The following ARHGAP21 variants were observed in gnomAD, a reference collection of about 807,000 sequenced individuals.
ARHGAP21 encodes rho GTPase-activating protein 21.
ARHGAP21 carries 38 observed loss-of-function variants against 164.6 expected under a neutral mutation model. The ratio of observed to expected loss-of-function variants is 0.23; its 90% CI spans 0.18 to 0.30. ARHGAP21 has a LOEUF of 0.30. Among genes scored for constraint, ARHGAP21 ranks in the 10% least tolerant of loss-of-function variants. ARHGAP21 has a pLI of 1.00. For missense variants in ARHGAP21, 1,822 were observed against 2,370.7 expected, an observed-to-expected ratio of 0.77 and a Z score of 4.81; for synonymous variants, 766 against 857.9, an observed-to-expected ratio of 0.89 and a Z score of 1.87.
At chr10:24,613,988 G>A (rs886430781) in intron 9 of ARHGAP21, among the ~76,000 whole-genome samples, 4 of 152,166 alleles carry the variant, frequency 2.6e-5, no homozygotes, top group South Asian at 2.1e-4. Flanking sequence ...GTGTACAAGC[G>A]TGTGTGTATG....
chr10:24,620,803 T>C lies in ARHGAP21; in HGVS notation c.1092A>G (p.Gln364=), dbSNP rs1834463062. The part of the protein sequence containing the change: ...HSDGISSSRS[Q]AVEAPSVSVN... ...CAGATACAGAGGGAGCCTCCACAGCTTGAGATCTGCTGCTTGAGATTCCAT... is the reference window on the plus strand; with the variant it reads ...CAGATACAGAGGGAGCCTCCACAGCCTGAGATCTGCTGCTTGAGATTCCAT... Residue 364 remains glutamine (Q), a synonymous_variant, in exon 9 of 26, where the codon CAA becomes CAG. Transcript: ENST00000396432. 2 of 1,614,068 alleles carry C rather than the reference T, an allele frequency of 1.2e-6. No homozygotes were observed. The highest frequency in any genetic ancestry group is 1.3e-5 in the African/African-American group (1 of 74,938).
chr10:24,622,606 A>T lies in ARHGAP21; in HGVS notation c.525+127T>A, dbSNP rs182765311. On this transcript the variant is annotated intron_variant, in intron 8 of 25. Coordinates refer to ENST00000396432, the MANE Select transcript of ARHGAP21 (RefSeq NM_020824.4). The stretch of plus-strand genomic sequence containing the variant: ...CTATCACAAACGTATTCTGCAAATT[A>T]GTAAGATTAACACGATAGAGGGATT... The T allele has an allele frequency of 3.6e-5, 35 of 981,148 alleles. No homozygotes were observed. In the Admixed American group the frequency reaches 9.0e-4, roughly 25 times the overall value. The allele number at this position is 981,148 out of a possible 1,614,324, so 60.8% of individuals were successfully genotyped here. A position where few individuals can be genotyped will look rare whatever the true frequency, so the allele number is the denominator to read the frequency against.
chr10:24,658,688 G>A (rs979589467), intron 4 of ARHGAP21, among the ~76,000 whole-genome samples: 1 of 152,068 alleles, frequency 6.6e-6, no homozygotes, highest in Non-Finnish European at 1.5e-5. Flanking sequence ...TGGGGTGGGG[G>A]GAGAGAGGAG....
chr10:24,606,514 G>A (rs889116746), intron 11 of ARHGAP21, among the ~76,000 whole-genome samples: 2 of 152,216 alleles, frequency 1.3e-5, no homozygotes, highest in South Asian at 2.1e-4. Flanking sequence ...GTGTTAGAGT[G>A]TAACAGCAGA....
intron 6 of ARHGAP21, among the ~76,000 whole-genome samples, chr10:24,631,662 TAG>T (rs1427659238): frequency 7.9e-5 from 12 of 152,232 alleles, no homozygotes; most frequent in Non-Finnish European, 1.6e-4. Context: ...TTTCAATATT[TAG>T]AGTTGGTAGA....
chr10:24,595,184 T>C lies in ARHGAP21; in HGVS notation c.3719A>G (p.Tyr1240Cys). The C allele has an allele frequency of 6.2e-7, 1 of 1,609,958 alleles. No homozygotes were observed. The highest frequency in any genetic ancestry group is 8.5e-7 in the Non-Finnish European group (1 of 1,178,386). The change falls in exon 20 of 26, where the codon TAT (tyrosine) becomes TGT (cysteine). Residue 1240 changes from tyrosine to cysteine, a missense_variant. By Grantham distance (194) the Tyr-to-Cys change is radical. This residue lies in a region of ARHGAP21 where 117 missense variants were observed against 238.1 expected (regional missense o/e 0.49). Transcript: ENST00000396432. ...ACGATTGGCTTCAATAAAATCAGCA[T>C]ATTTATCTGACGACAAGAACAATAA... Reference protein sequence around the residue: ...LPEPLFTNDKYADFIEANRKE... With the variant: ...LPEPLFTNDKCADFIEANRKE...
At chr10:24,695,993 A>G (rs1328588183) in intron 2 of ARHGAP21, among the ~76,000 whole-genome samples, 1 of 152,216 alleles carries the variant, frequency 6.6e-6, no homozygotes, top group Non-Finnish European at 1.5e-5. Flanking sequence ...GAGATAATAA[A>G]TGTTCCTTTA....
chr10:24,599,663 TTAATGA>T (rs1165675827), intron 14 of ARHGAP21, among the ~76,000 whole-genome samples: 6 of 152,192 alleles, frequency 3.9e-5, no homozygotes, highest in African/African-American at 7.2e-5. Flanking sequence ...AAAAACTGTG[TTAATGA>T]TAAGAAAATA....
At chr10:24,600,482 T>C (rs1239629735) in intron 14 of ARHGAP21, among the ~76,000 whole-genome samples, 164 bp downstream of exon 14, 1 of 152,210 alleles carries the variant, frequency 6.6e-6, no homozygotes, top group Non-Finnish European at 1.5e-5. Flanking sequence ...TGTGTGAAAA[T>C]AATATAAAAC....
chr10:24,597,280 G>T (rs1425608381), intron 16 of ARHGAP21, among the ~76,000 whole-genome samples, 167 bp downstream of exon 16: 1 of 152,080 alleles, frequency 6.6e-6, no homozygotes, highest in Non-Finnish European at 1.5e-5. Flanking sequence ...GGTGTCTTGG[G>T]CCTCACAAAG....
chr10:24,591,972 A>C lies in ARHGAP21; in HGVS notation c.3917T>G (p.Leu1306Arg). 6.2e-7 allele frequency: 1 copy of C among 1,613,682 alleles called. No individual in the cohort carries two copies. The highest frequency in any genetic ancestry group is 8.5e-7 in the Non-Finnish European group (1 of 1,179,814). The change falls in exon 22 of 26, where the codon CTT (leucine) becomes CGT (arginine). Residue 1306 changes from leucine (L) to arginine (R), a missense_variant. This residue lies in a region of ARHGAP21 where 117 missense variants were observed against 238.1 expected (regional missense o/e 0.49). Coordinates refer to ENST00000396432, the MANE Select transcript of ARHGAP21 (RefSeq NM_020824.4). ...CATGTTGTCTTCTGATGTTCGAACA[A>C]GGGTGGGACCAAACACTATTGCTAG... is the stretch of plus-strand genomic sequence containing the variant. ...RNLAIVFGPT[L>R]VRTSEDNMTH...
At chr10:24,631,026 A>G (rs1222246938) in intron 6 of ARHGAP21, among the ~76,000 whole-genome samples, 2 of 152,186 alleles carry the variant, frequency 1.3e-5, no homozygotes, top group African/African-American at 4.8e-5. Context: ...AAATTTCCCT[A>G]AGTTTAGAAA....
Position 24,584,627 on chromosome 10 carries a change from T to A in ARHGAP21, c.5662A>T (p.Thr1888Ser), listed in dbSNP as rs757812581. The change falls in exon 26 of 26, where the codon ACA becomes TCA. Residue 1888 changes from threonine to serine, a missense_variant. Transcript: ENST00000396432. ...PSTREIATTD[T>S]PLSLHCNTGS... ...GTGTTGCAATGAAGAGACAAAGGTG[T>A]GTCGGTCGTGGCTATTTCTCGTGTG... 1 of 1,613,904 alleles carries A rather than the reference T, an allele frequency of 6.2e-7. No individual in the cohort carries two copies. The highest frequency in any genetic ancestry group is 8.5e-7 in the Non-Finnish European group (1 of 1,179,860).
intron 7 of ARHGAP21, among the ~76,000 whole-genome samples, chr10:24,625,307 A>AAAAAAAAAAAAAAAAAAAAAAAG (rs1835025781): frequency 6.7e-6 from 1 of 150,052 alleles, no homozygotes; most frequent in Non-Finnish European, 1.5e-5. Context: ...GAGAAAAAAA[A>AAAAAAAAAAAAAAAAAAAAAAAG]AAAAAAAAAA....
chr10:24,661,287 C>T lies in ARHGAP21; in HGVS notation c.268+5698G>A, dbSNP rs536269799. 5.9e-5 allele frequency among the ~76,000 whole-genome samples: 9 copies of T among 151,556 alleles called. 2 individuals carry two copies. The highest frequency in any genetic ancestry group is 1.9e-4 in the African/African-American group (8 of 41,398). On this transcript the variant is annotated intron_variant, in intron 4 of 25. Coordinates refer to ENST00000396432, the MANE Select transcript of ARHGAP21 (RefSeq NM_020824.4). ...TAACCTTTTTCTTATAAAAAATCTG[C>T]ATCATAGTACAGAAAACTAACCAAC... is the stretch of plus-strand genomic sequence containing the variant.
intron 1 of ARHGAP21, chr10:24,723,122 G>A (rs1846095972): frequency 6.6e-6 from 1 of 151,698 alleles, no homozygotes; most frequent in South Asian, 2.1e-4. Flanking sequence ...AAAGGTGCTA[G>A]GAGCCCCGGG....
chr10:24,697,657 G>C (rs575237764), intron 2 of ARHGAP21, among the ~76,000 whole-genome samples: 8 of 152,078 alleles, frequency 5.3e-5, no homozygotes, highest in Non-Finnish European at 1.0e-4. Context: ...AGGAGTTCGA[G>C]ACCAGCCTGG....
At chr10:24,647,221 C>A (rs1837661811) in intron 4 of ARHGAP21, among the ~76,000 whole-genome samples, 1 of 152,192 alleles carries the variant, frequency 6.6e-6, no homozygotes. Flanking sequence ...CAGTTGAATT[C>A]CTTGCATTTT....
intron 2 of ARHGAP21, among the ~76,000 whole-genome samples, chr10:24,709,185 T>C (rs534497400): frequency 2.0e-5 from 3 of 152,158 alleles, no homozygotes; most frequent in South Asian, 2.1e-4. Context: ...CCTAGAAACA[T>C]ACAACCACTC....
Sources: gnomAD v4.1 joint callset for allele counts (sites outside exome capture counted in the v4.1 genomes callset) on GRCh38, gnomAD v4.1.1 for gene constraint, gnomAD v4.1.1 regional missense constraint, MANE v1.5 for transcripts, NCBI Gene and HGNC (gene_info 2026-07-23, HGNC 2026-07-21) for gene names.